Variants in ANXA8 observed in about 807,000 individuals in gnomAD.
The protein encoded by ANXA8 is annexin A8.
A neutral mutation model predicts 26.8 loss-of-function variants in ANXA8; 9 were observed. The ratio of observed to expected loss-of-function variants is 0.34; its 90% CI spans 0.20 to 0.59. The LOEUF (loss-of-function observed/expected upper bound fraction) is 0.59. Ranked by LOEUF, ANXA8 falls within the 20% of genes least tolerant of loss-of-function variation. ANXA8 has a pLI of 0.84. For synonymous variants in ANXA8, 39 were observed against 94.8 expected (o/e 0.41, Z 3.42); for missense variants, 83 against 238.5 (o/e 0.35, Z 4.29).
the ANXA8 span, among the ~76,000 whole-genome samples, chr10:47,561,021 A>AT: frequency 3.9e-4 from 59 of 149,454 alleles, no homozygotes; most frequent in South Asian, 1.3e-3. Flanking sequence ...ATTATTTACA[A>AT]TTTTTTTTTC....
the ANXA8 span, among the ~76,000 whole-genome samples, chr10:47,724,312 C>T: frequency 7.2e-6 from 1 of 138,374 alleles, no homozygotes; most frequent in East Asian, 2.8e-4. Context: ...CTCCTCCTGG[C>T]CTTGCCTCCT....
At chr10:47,470,415 G>T (rs1465173919) in intron 11 of ANXA8, among the ~76,000 whole-genome samples, 1 of 135,204 alleles carries the variant, frequency 7.4e-6, no homozygotes, top group Non-Finnish European at 1.5e-5. Flanking sequence ...GCAGGTGACA[G>T]CACAGTCCAG....
the ANXA8 span, among the ~76,000 whole-genome samples, chr10:47,651,701 C>A: frequency 2.0e-5 from 3 of 150,908 alleles, 1 homozygote; most frequent in Non-Finnish European, 4.4e-5. Flanking sequence ...TTAAGACCAG[C>A]CTGACCAACA....
the ANXA8 span, among the ~76,000 whole-genome samples, chr10:47,719,146 C>T: frequency 7.9e-6 from 1 of 127,168 alleles, no homozygotes; most frequent in Admixed American, 7.7e-5. Flanking sequence ...GAAAAGTTCA[C>T]CTCCTATTTG....
the ANXA8 span, among the ~76,000 whole-genome samples, chr10:47,904,261 C>G: frequency 1.4e-5 from 2 of 141,330 alleles, no homozygotes; most frequent in African/African-American, 5.5e-5. Flanking sequence ...CTCCTGACTC[C>G]AGGGATCTGC....
the ANXA8 span, among the ~76,000 whole-genome samples, chr10:47,698,791 G>T: frequency 2.6e-5 from 4 of 151,990 alleles, no homozygotes; most frequent in East Asian, 7.7e-4. Context: ...TTGTACCACA[G>T]CACTTCTGCC....
the ANXA8 span, among the ~76,000 whole-genome samples, chr10:47,693,347 T>G: frequency 6.6e-6 from 1 of 150,872 alleles, no homozygotes; most frequent in Non-Finnish European, 1.5e-5. Context: ...TAGAGTGCAG[T>G]GGCGCGATGT....
the ANXA8 span, among the ~76,000 whole-genome samples, chr10:47,945,157 T>G: frequency 6.7e-6 from 1 of 150,018 alleles, no homozygotes; most frequent in Non-Finnish European, 1.5e-5. Context: ...TTCCTGGGCA[T>G]AGCCATGCCC....
At chr10:47,727,474 G>GTTTT in the ANXA8 span, among the ~76,000 whole-genome samples, 2 of 144,962 alleles carry the variant, frequency 1.4e-5, no homozygotes, top group Non-Finnish European at 3.1e-5. Flanking sequence ...TGTTTTTTGT[G>GTTTT]TTTTTTTTTA....
chr10:47,973,217 AAC>A, the ANXA8 span: 2 of 149,942 alleles, frequency 1.3e-5, no homozygotes, highest in African/African-American at 4.9e-5. Flanking sequence ...TAGCAGGAAA[AAC>A]ACACTCTTCC....
chr10:47,556,527 A>G, the ANXA8 span, among the ~76,000 whole-genome samples: 1 of 151,912 alleles, frequency 6.6e-6, no homozygotes, highest in Non-Finnish European at 1.5e-5. Context: ...AAAAAAATTA[A>G]CAAGATCCCC....
At chr10:47,673,808 A>G in the ANXA8 span, among the ~76,000 whole-genome samples, 1 of 150,678 alleles carries the variant, frequency 6.6e-6, no homozygotes, top group East Asian at 1.9e-4. Flanking sequence ...AGTTTTTCCT[A>G]TTTTTAACAC....
At chr10:47,624,580 AT>A in the ANXA8 span, among the ~76,000 whole-genome samples, 3 of 76,242 alleles carry the variant, frequency 3.9e-5, no homozygotes, top group African/African-American at 1.4e-4. Flanking sequence ...TTGTTCATGT[AT>A]TTTTTTTCCT....
At chr10:47,699,282 A>G in the ANXA8 span, among the ~76,000 whole-genome samples, 1 of 123,448 alleles carries the variant, frequency 8.1e-6, no homozygotes, top group Non-Finnish European at 1.6e-5. Flanking sequence ...TAGGAGGTGG[A>G]GGTTGCAGTG....
At chr10:47,723,625 C>A in the ANXA8 span, among the ~76,000 whole-genome samples, 2 of 138,960 alleles carry the variant, frequency 1.4e-5, no homozygotes, top group African/African-American at 5.2e-5. Context: ...CCTTTTCTAC[C>A]CCCTCTTTAA....
the ANXA8 span, among the ~76,000 whole-genome samples, chr10:47,717,904 A>G: frequency 1.3e-5 from 2 of 151,324 alleles, no homozygotes; most frequent in Admixed American, 1.3e-4. Flanking sequence ...AGGCTGAGGC[A>G]GGAAAATTGC....
At chr10:47,744,198 C>A in the ANXA8 span, among the ~76,000 whole-genome samples, 1 of 148,760 alleles carries the variant, frequency 6.7e-6, no homozygotes, top group Non-Finnish European at 1.5e-5. Context: ...CCCCAACAGA[C>A]CCTACCAGGC....
the ANXA8 span, among the ~76,000 whole-genome samples, chr10:47,533,271 G>C: frequency 7.3e-6 from 1 of 136,626 alleles, no homozygotes; most frequent in South Asian, 2.3e-4. Flanking sequence ...CCAAAAACCT[G>C]TGATCAGGAG....
the ANXA8 span, among the ~76,000 whole-genome samples, chr10:47,600,383 C>T: frequency 1.3e-3 from 194 of 149,006 alleles, 2 homozygotes; most frequent in South Asian, 0.017. Context: ...CCCGGGGCGG[C>T]CTGGCTTTTT....
Sources: gnomAD v4.1 joint callset for allele counts (sites outside exome capture counted in the v4.1 genomes callset) on GRCh38, gnomAD v4.1.1 for gene constraint, MANE v1.5 for transcripts, NCBI Gene and HGNC (gene_info 2026-07-23, HGNC 2026-07-21) for gene names.